The following GPR158 variants were observed in gnomAD, a reference collection of about 807,000 sequenced individuals.
GPR158 encodes metabotropic glycine receptor.
Under a neutral mutation model 78.2 loss-of-function variants are expected in GPR158, and 30 were observed. The ratio of observed to expected loss-of-function variants is 0.38; its 90% CI spans 0.29 to 0.52. The LOEUF is 0.52. GPR158 is among the 20% of genes least tolerant of loss of function. GPR158 has a pLI of 0.83. For missense variants in GPR158, 1,463 were observed against 1,523.5 expected (o/e 0.96, Z 0.66); for synonymous variants, 581 against 591.1 (o/e 0.98, Z 0.25).
chr10:25,223,114 T>G (rs1336032112), intron 2 of GPR158, among the ~76,000 whole-genome samples: 1 of 152,228 alleles, frequency 6.6e-6, no homozygotes, highest in East Asian at 1.9e-4. Context: ...TAACAAAGTT[T>G]AGGTTGAAAT....
At chr10:25,555,058 G>GGGGA (rs200337076) in intron 6 of GPR158, among the ~76,000 whole-genome samples, 3,096 of 151,616 alleles carry the variant, frequency 0.02, 102 homozygotes, top group African/African-American at 0.071. Context: ...AAGGAAAGAA[G>GGGGA]GGGAGGGAGG....
At position 25,598,224 on chromosome 10, in the gene GPR158, G is replaced by A; in HGVS notation, c.2598G>A (p.Glu866=). 1 of 1,614,094 alleles carries A rather than the reference G, an allele frequency of 6.2e-7. No homozygotes were observed. Among genetic ancestry groups the A allele is most frequent in the Non-Finnish European group, 8.5e-7 (1 of 1,180,012 alleles). ...CACAAAAACTAAAAGAAGACAGCGA[G>A]GCTGAGTCCACGGAGTCGGTGCCGT... ...KLTQKLKEDS[E]AESTESVPLV... The change falls in exon 11 of 11, where the codon GAG becomes GAA. Residue 866 remains glutamate (E), a synonymous_variant. Coordinates refer to ENST00000376351, the MANE Select transcript of GPR158 (RefSeq NM_020752.3).
intron 5 of GPR158, among the ~76,000 whole-genome samples, chr10:25,486,862 T>TAA (rs138096943): frequency 7.3e-5 from 11 of 149,952 alleles, no homozygotes; most frequent in African/African-American, 2.5e-4. Flanking sequence ...GAAAGTGAAA[T>TAA]AAAAAAAATA....
intron 5 of GPR158, among the ~76,000 whole-genome samples, chr10:25,543,593 A>C (rs1836619332): frequency 6.6e-6 from 1 of 152,136 alleles, no homozygotes; most frequent in Non-Finnish European, 1.5e-5. Flanking sequence ...TGTTACATGC[A>C]CTGAGTAATT....
rs543489526 is a variant in GPR158 at position 25,377,596 on chromosome 10, A to C, written c.1009-18315A>C. 5.3e-5 allele frequency among the ~76,000 whole-genome samples: 8 copies of C among 152,128 alleles called. 1 individual carries two copies. The South Asian group carries it at 1.0e-3, about 20-fold the overall frequency. ...GCTTTCTGTCTTGATGGATTTGCCT[A>C]TTCTGGACATTTTATATAAGTGAAA... On this transcript the variant is annotated intron_variant, in intron 2 of 10. Coordinates refer to ENST00000376351, the MANE Select transcript of GPR158 (RefSeq NM_020752.3).
intron 7 of GPR158, among the ~76,000 whole-genome samples, chr10:25,584,289 A>C (rs964007115): frequency 1.3e-5 from 2 of 152,212 alleles, no homozygotes; most frequent in African/African-American, 4.8e-5. Flanking sequence ...TTCTTTACTA[A>C]TTGCAGTGCT....
intron 5 of GPR158, among the ~76,000 whole-genome samples, chr10:25,511,606 T>C (rs57001691): frequency 0.034 from 5,209 of 152,252 alleles, 304 homozygotes; most frequent in African/African-American, 0.12. Context: ...TCATTAAGTC[T>C]TTGTCTGAGC....
chr10:25,359,130 T>C (rs971243143), intron 2 of GPR158, among the ~76,000 whole-genome samples: 2 of 152,068 alleles, frequency 1.3e-5, no homozygotes, highest in Non-Finnish European at 2.9e-5. Context: ...TTACGACTTC[T>C]GGGGCTTTGT....
At chr10:25,289,348 A>T (rs1297972321) in intron 2 of GPR158, among the ~76,000 whole-genome samples, 1 of 152,236 alleles carries the variant, frequency 6.6e-6, no homozygotes, top group African/African-American at 2.4e-5. Flanking sequence ...CAGACTCAGG[A>T]TATTCACAGA....
At chr10:25,185,176 A>C (rs544817189) in intron 1 of GPR158, among the ~76,000 whole-genome samples, 1 of 152,280 alleles carries the variant, frequency 6.6e-6, no homozygotes, top group Non-Finnish European at 1.5e-5. Context: ...ATAACGTATA[A>C]AATGCTACTC....
rs1002011089 is a variant in GPR158 at position 25,601,520 on chromosome 10, A to T, written c.*2246A>T. On this transcript the variant is annotated 3_prime_UTR_variant, in exon 11 of 11. Transcript: ENST00000376351. ...TGCAGTCAAGCATCAGTGACTTTCT[A>T]TTGCACTTCAGGATTGATCCTGCTA... 1 of 152,580 alleles carries T rather than the reference A, an allele frequency of 6.6e-6. No homozygotes were observed. 9.5% of individuals were successfully genotyped at this position (152,580 alleles called of 1,614,324 possible).
At chr10:25,287,173 C>T (rs536804616) in intron 2 of GPR158, among the ~76,000 whole-genome samples, 6 of 151,784 alleles carry the variant, frequency 4.0e-5, no homozygotes, top group Non-Finnish European at 5.9e-5. Flanking sequence ...AGATTTTTTT[C>T]CTTTTCTTTT....
intron 2 of GPR158, among the ~76,000 whole-genome samples, chr10:25,281,418 A>G (rs1366302231): frequency 6.6e-6 from 1 of 150,724 alleles, no homozygotes; most frequent in East Asian, 2.0e-4. Context: ...ACAAAAAAAA[A>G]AAAAAAAAAA....
intron 4 of GPR158, among the ~76,000 whole-genome samples, chr10:25,431,097 T>G (rs112297624): frequency 7.2e-6 from 1 of 139,022 alleles, no homozygotes; most frequent in Non-Finnish European, 1.6e-5. Context: ...GGGAGAAAAT[T>G]TTCGCAACCT....
At chr10:25,226,754 A>G (rs979851541) in intron 2 of GPR158, among the ~76,000 whole-genome samples, 1 of 152,234 alleles carries the variant, frequency 6.6e-6, no homozygotes, top group African/African-American at 2.4e-5. Flanking sequence ...ACCTAGAAAC[A>G]GTACCTGACA....
chr10:25,298,755 T>C (rs963614432), intron 2 of GPR158, among the ~76,000 whole-genome samples: 3 of 152,186 alleles, frequency 2.0e-5, no homozygotes, highest in Admixed American at 6.5e-5. Flanking sequence ...ACTGTCTCAG[T>C]TTCAAGTCTT....
intron 2 of GPR158, among the ~76,000 whole-genome samples, chr10:25,260,250 G>A (rs1853949730): frequency 6.6e-6 from 1 of 152,050 alleles, no homozygotes; most frequent in South Asian, 2.1e-4. Context: ...TACAGTGCTT[G>A]GTGTGATTCC....
At position 25,176,102 on chromosome 10, in the gene GPR158, C is replaced by A; in HGVS notation, c.682C>A (p.Arg228Ser). 2 of 1,583,772 alleles carry A rather than the reference C, an allele frequency of 1.3e-6. No homozygotes were observed. The highest frequency in any genetic ancestry group is 4.6e-5 in the East Asian group (2 of 43,434). ...GACCGAGTGGTTCCACGGCCTCCGG[C>A]GCAAGTGGAGGCCCCACTTACACCG... ...LETEWFHGLR[R>S]KWRPHLHRRG... The change falls in exon 1 of 11, where the codon CGC (arginine) becomes AGC (serine). Residue 228 changes from arginine (R) to serine (S), a missense_variant. By Grantham distance (110) the Arg-to-Ser change is moderately radical. Transcript: ENST00000376351. The surrounding 1 kb of genome is among the most constrained non-coding windows in gnomAD (Gnocchi z 6.3).
chr10:25,482,513 G>A (rs528095675), intron 5 of GPR158, among the ~76,000 whole-genome samples: 15 of 152,116 alleles, frequency 9.9e-5, no homozygotes, highest in South Asian at 6.2e-4. Context: ...AACAGATTGC[G>A]GTTTCAGGAC....
Sources: gnomAD v4.1 joint callset for allele counts (sites outside exome capture counted in the v4.1 genomes callset) on GRCh38, gnomAD v4.1.1 for gene constraint, Gnocchi (gnomAD v3.1) non-coding constraint, MANE v1.5 for transcripts, NCBI Gene and HGNC (gene_info 2026-07-23, HGNC 2026-07-21) for gene names.